Variants in BIRC6 observed in about 807,000 individuals in gnomAD.
BIRC6 encodes baculoviral IAP repeat containing 6.
Under a neutral mutation model 503.3 loss-of-function variants are expected in BIRC6, and 98 were observed. The observed-to-expected ratio is 0.19, with a 90% CI of 0.17 to 0.23. The LOEUF (loss-of-function observed/expected upper bound fraction) is 0.23, where lower values mean the gene tolerates loss of function less well. BIRC6 is among the 10% of genes least tolerant of loss of function. The pLI is 1.00. For synonymous variants in BIRC6, 2,240 were observed against 2,078.7 expected (o/e 1.08, Z -2.11); for missense variants, 5,360 against 5,806.0 (o/e 0.92, Z 2.50).
At position 32,500,028 on chromosome 2, in the gene BIRC6, G is replaced by A. The variant is rs757787635; in HGVS notation, c.8950G>A (p.Val2984Ile). 6.2e-7 allele frequency: 1 copy of A among 1,613,990 alleles called. No individual in the cohort carries two copies. Among genetic ancestry groups the A allele is most frequent in the Non-Finnish European group, 8.5e-7 (1 of 1,179,890 alleles). ...QGSPAYVADLVLANQQIMSQI... is the reference protein window; with the variant it reads ...QGSPAYVADLILANQQIMSQI... ...ATCGCCTGCATATGTTGCTGACTTA[G>A]TCTTAGCCAACCAACAAATTATGAG... Residue 2984 changes from valine (V) to isoleucine (I), a missense_variant, in exon 46 of 74, where the codon GTC becomes ATC. Physicochemically the swap from Val to Ile is conservative, Grantham distance 29. This residue lies in a region of BIRC6 where 2,299 missense variants were observed against 2,267.2 expected (regional missense o/e 1.01). Transcript: ENST00000421745.
intron 61 of BIRC6, among the ~76,000 whole-genome samples, chr2:32,536,003 T>C (rs1421710779): frequency 1.3e-5 from 2 of 152,180 alleles, no homozygotes; most frequent in Non-Finnish European, 2.9e-5. Flanking sequence ...GCATTCTAAG[T>C]GGTGTGAGAT....
In BIRC6 at chr2:32,599,928, A is replaced by G. The variant is rs758074883; in HGVS notation, c.13992+28A>G. 12 of 1,597,304 alleles carry G rather than the reference A, an allele frequency of 7.5e-6. No homozygotes were observed. The African/African-American group carries it at 1.1e-4, about 14-fold the overall frequency. On this transcript the variant is annotated intron_variant, in intron 70 of 73. Transcript: ENST00000421745. The stretch of plus-strand genomic sequence containing the variant: ...AAATTAATTGCAATTTTTTGTTTCA[A>G]ATGCCAATGATTGTATACAAAGGTT...
chr2:32,610,789 G>C (rs2062815654), intron 72 of BIRC6, among the ~76,000 whole-genome samples: 1 of 151,608 alleles, frequency 6.6e-6, no homozygotes, highest in African/African-American at 2.4e-5. Flanking sequence ...TTTTCTTTTT[G>C]ATGGAGTCTT....
At chr2:32,453,552 G>A (rs1025053500) in intron 22 of BIRC6, among the ~76,000 whole-genome samples, 8 of 152,124 alleles carry the variant, frequency 5.3e-5, no homozygotes, top group African/African-American at 1.9e-4. Flanking sequence ...CATGTTACAG[G>A]AAACTACCAC....
chr2:32,410,482 A>T (rs937334679), intron 9 of BIRC6, among the ~76,000 whole-genome samples: 5 of 152,118 alleles, frequency 3.3e-5, no homozygotes, highest in African/African-American at 1.2e-4. Flanking sequence ...TATACTGAAA[A>T]TTTTTTTCTG....
In BIRC6 at chr2:32,467,546, T is replaced by C; in HGVS notation, c.5378T>C (p.Leu1793Ser). 6.2e-7 allele frequency: 1 copy of C among 1,613,926 alleles called. No homozygotes were observed. Among genetic ancestry groups the C allele is most frequent in the Non-Finnish European group, 8.5e-7 (1 of 1,179,850 alleles). ...MHSGARRFVT[L>S]DFGRPILLTD... ...ATAGGAGCAAGAAGATTTGTGACCT[T>C]GGATTTTGGGAGGCCTATATTGTTG... Residue 1793 changes from leucine (L) to serine (S), a missense_variant, in exon 27 of 74, where the codon TTG (leucine) becomes TCG (serine). This residue lies in a region of BIRC6 where 2,299 missense variants were observed against 2,267.2 expected (regional missense o/e 1.01). Transcript: ENST00000421745.
intron 33 of BIRC6, among the ~76,000 whole-genome samples, chr2:32,473,654 G>C (rs1254147698): frequency 7.0e-6 from 1 of 141,962 alleles, no homozygotes; most frequent in Non-Finnish European, 1.5e-5. Context: ...CCTCTATCTA[G>C]CTTCCAGATT....
intron 65 of BIRC6, chr2:32,564,503 C>T (rs2059401379): frequency 6.6e-6 from 1 of 152,164 alleles, no homozygotes. Flanking sequence ...TGTTGAGTTA[C>T]ATGGATTACC....
At chr2:32,416,787 C>G (rs1228500155) in intron 10 of BIRC6, among the ~76,000 whole-genome samples, 4 of 124,448 alleles carry the variant, frequency 3.2e-5, no homozygotes, top group African/African-American at 1.2e-4. Context: ...TTCCCCTTTC[C>G]CCCTTTCTTT....
intron 68 of BIRC6, among the ~76,000 whole-genome samples, chr2:32,597,406 A>G (rs191824271): frequency 7.2e-5 from 11 of 152,322 alleles, no homozygotes; most frequent in African/African-American, 2.4e-4. Context: ...CATTTATTTA[A>G]TGAAATCTTT....
chr2:32,442,136 C>G lies in BIRC6; in HGVS notation c.4016C>G (p.Thr1339Arg). 1 of 1,610,048 alleles carries G rather than the reference C, an allele frequency of 6.2e-7. No individual in the cohort carries two copies. The highest frequency in any genetic ancestry group is 8.5e-7 in the Non-Finnish European group (1 of 1,178,802). Residue 1339 changes from threonine to arginine, a missense_variant, in exon 18 of 74, where the codon ACA (threonine) becomes AGA (arginine). Coordinates refer to ENST00000421745, the MANE Select transcript of BIRC6 (RefSeq NM_016252.4). The stretch of plus-strand genomic sequence containing the variant: ...CTTCTTAATACTCTTTGCAGAAAAA[C>G]AGATGATGGCCAGATCACAGAACAT... ...EKLLNTLCRKTDDGQITEHAQ... is the reference protein window; with the variant it reads ...EKLLNTLCRKRDDGQITEHAQ...
At chr2:32,419,858 T>C (rs1009056569) in intron 10 of BIRC6, among the ~76,000 whole-genome samples, 1 of 152,216 alleles carries the variant, frequency 6.6e-6, no homozygotes, top group Non-Finnish European at 1.5e-5. Flanking sequence ...TACTTGTTTC[T>C]TGTGGAAAAC....
chr2:32,432,647 A>G (rs150161895), intron 12 of BIRC6, among the ~76,000 whole-genome samples: 192 of 151,552 alleles, frequency 1.3e-3, no homozygotes, highest in African/African-American at 4.1e-3. Context: ...GTGGTCCCAG[A>G]TACTTGGGAA....
Position 32,508,222 on chromosome 2 carries a change from C to T in BIRC6, c.9943C>T (p.Pro3315Ser). 1 of 1,602,908 alleles carries T rather than the reference C, an allele frequency of 6.2e-7. No homozygotes were observed. Among genetic ancestry groups the T allele is most frequent in the African/African-American group, 1.4e-5 (1 of 73,086 alleles). ...GTTSSATVNN[P>S]FLPSEDQVSK... ...CACCTCTTCTGCAACAGTTAATAATCCATTCCTTCCATCTGAAGATCAGGT... is the reference window on the plus strand; with the variant it reads ...CACCTCTTCTGCAACAGTTAATAATTCATTCCTTCCATCTGAAGATCAGGT... The change falls in exon 51 of 74, where the codon CCA (proline) becomes TCA (serine). Residue 3315 changes from proline to serine, a missense_variant. Around this residue, in one of 16 missense-constraint regions of BIRC6, gnomAD observed 62 missense variants for 107.4 expected, o/e 0.58. Coordinates refer to ENST00000421745, the MANE Select transcript of BIRC6 (RefSeq NM_016252.4).
chr2:32,586,826 A>T (rs1243484531), intron 66 of BIRC6, among the ~76,000 whole-genome samples: 1 of 152,144 alleles, frequency 6.6e-6, no homozygotes, highest in Non-Finnish European at 1.5e-5. Context: ...TGTTCATATT[A>T]TCTATAGATT....
chr2:32,602,489 A>G (rs2062131948), intron 70 of BIRC6: 1 of 152,306 alleles, frequency 6.6e-6, no homozygotes, highest in African/African-American at 2.4e-5. Flanking sequence ...AATTACAACT[A>G]GATAGGAGGA....
chr2:32,577,246 G>T (rs1046905624), intron 66 of BIRC6, among the ~76,000 whole-genome samples: 3 of 152,052 alleles, frequency 2.0e-5, no homozygotes, highest in African/African-American at 7.2e-5. Flanking sequence ...AATATATACT[G>T]AGCTTTGAAA....
chr2:32,467,348 A>T (rs1482994606), intron 26 of BIRC6, among the ~76,000 whole-genome samples, 177 bp from the exon 27 acceptor site: 3 of 152,166 alleles, frequency 2.0e-5, no homozygotes, highest in Non-Finnish European at 4.4e-5. Context: ...ACAGACTGGG[A>T]TTTCAGAAAA....
At chr2:32,368,612 GAGA>G (rs1489233927) in intron 1 of BIRC6, among the ~76,000 whole-genome samples, 1 of 152,044 alleles carries the variant, frequency 6.6e-6, no homozygotes, top group Non-Finnish European at 1.5e-5. Flanking sequence ...CTAGACTTTA[GAGA>G]AGTTTGTTTA....
Sources: allele counts gnomAD v4.1 joint callset (sites outside exome capture counted in the v4.1 genomes callset), GRCh38; gene constraint gnomAD v4.1.1; regional missense constraint gnomAD v4.1.1; transcripts MANE v1.5; gene names NCBI Gene and HGNC (gene_info 2026-07-23, HGNC 2026-07-21).